Variants in METTL15 observed in about 807,000 individuals in gnomAD.
METTL15 encodes methyltransferase 15, mitochondrial 12S rRNA N4-cytidine, also known as 12S rRNA N(4)-cytidine methyltransferase METTL15.
In METTL15, 34 loss-of-function variants were observed where a neutral mutation model predicts 38.3. That is an observed-to-expected ratio of 0.89 (90% confidence interval 0.68 to 1.18). METTL15 has a LOEUF of 1.18. Among genes scored for constraint, METTL15 ranks in the 50% most tolerant of loss-of-function variants. The pLI is 0.00. For missense variants in METTL15, 438 were observed against 498.4 expected (o/e 0.88, Z 1.15); for synonymous variants, 162 against 170.9 (o/e 0.95, Z 0.41).
At chr11:28,178,559 C>G (rs906182698) in intron 3 of METTL15, among the ~76,000 whole-genome samples, 1 of 151,802 alleles carries the variant, frequency 6.6e-6, no homozygotes, top group Non-Finnish European at 1.5e-5. Context: ...ATTACTCTTT[C>G]CCTACAAGGC....
intron 4 of METTL15, among the ~76,000 whole-genome samples, chr11:28,243,528 G>A (rs1269335789): frequency 5.9e-5 from 9 of 152,122 alleles, no homozygotes; most frequent in Admixed American, 5.9e-4. Flanking sequence ...ACTTTTTTGA[G>A]AGGAAAACTG....
chr11:28,426,997 G>T (rs1340117389), intron 6 of METTL15, among the ~76,000 whole-genome samples: 2 of 152,126 alleles, frequency 1.3e-5, no homozygotes, highest in East Asian at 3.8e-4. Context: ...TTTTCGTCAT[G>T]AAGTCTTTGC....
At chr11:28,157,320 T>G (rs1850297173) in intron 3 of METTL15, among the ~76,000 whole-genome samples, 1 of 152,158 alleles carries the variant, frequency 6.6e-6, no homozygotes, top group Non-Finnish European at 1.5e-5. Flanking sequence ...CAACAGAAGG[T>G]TCTGCAACAG....
Position 28,298,193 on chromosome 11 carries a change from G to C in METTL15, c.778+1262G>C, listed in dbSNP as rs751202830. The stretch of plus-strand genomic sequence containing the variant: ...TGTATACCAGCATGCCGACATTAAA[G>C]TCATCCCCTGTCTGGTGTTCCTTTA... On this transcript the variant is annotated intron_variant, in intron 6 of 6. Coordinates refer to ENST00000407364, the MANE Select transcript of METTL15 (RefSeq NM_001113528.2). Among the ~76,000 whole-genome samples the C allele has an allele frequency of 2.6e-5, 4 of 152,108 alleles. No individual in the cohort carries two copies. In the South Asian group the frequency reaches 6.2e-4, roughly 24 times the overall value.
chr11:28,157,882 A>G (rs1850317802), intron 3 of METTL15, among the ~76,000 whole-genome samples: 1 of 152,152 alleles, frequency 6.6e-6, no homozygotes, highest in African/African-American at 2.4e-5. Context: ...GTTCACAGAT[A>G]GTTCTGCACA....
chr11:28,278,408 C>T (rs538713160), intron 4 of METTL15, among the ~76,000 whole-genome samples: 26 of 152,268 alleles, frequency 1.7e-4, no homozygotes, highest in African/African-American at 5.5e-4. Context: ...ATTTTCTAAT[C>T]TGTTTTATAA....
intron 5 of METTL15, among the ~76,000 whole-genome samples, chr11:28,365,239 T>C (rs1424954207): frequency 6.6e-6 from 1 of 152,180 alleles, no homozygotes. Context: ...TTTGGAATAG[T>C]TTCAGTAGCA....
At chr11:28,472,367 C>T (rs939765292) in intron 6 of METTL15, among the ~76,000 whole-genome samples, 1 of 152,118 alleles carries the variant, frequency 6.6e-6, no homozygotes, top group Non-Finnish European at 1.5e-5. Flanking sequence ...CAACATGAAT[C>T]CCTATCTTTT....
At chr11:28,229,571 C>T (rs765942741) in intron 4 of METTL15, among the ~76,000 whole-genome samples, 3 of 152,062 alleles carry the variant, frequency 2.0e-5, no homozygotes, top group Admixed American at 1.3e-4. Context: ...AATTAATGCT[C>T]TTATAAAAGA....
intron 6 of METTL15, among the ~76,000 whole-genome samples, chr11:28,465,757 A>G (rs369545324): frequency 7.2e-5 from 11 of 152,096 alleles, no homozygotes; most frequent in African/African-American, 2.7e-4. Flanking sequence ...TCCTATTGAC[A>G]TTTTGGGCTA....
rs1851022529 is a variant in METTL15, at chr11:28,440,221, G to A, written c.*424+15857G>A. Among the ~76,000 whole-genome samples, 3 of 152,028 alleles carry A rather than the reference G, an allele frequency of 2.0e-5. No individual in the cohort carries two copies. The South Asian group carries it at 6.2e-4, about 32-fold the overall frequency. On this transcript the variant is annotated intron_variant and NMD_transcript_variant, in intron 6 of 7. Transcript: ENST00000532947. ...AGTTATTCGTGTTACTAGATATAGA[G>A]GGAACTAAGACCTAGAGGAGAAATG...
chr11:28,144,325 C>T (rs1005286137), intron 3 of METTL15, among the ~76,000 whole-genome samples: 6 of 152,086 alleles, frequency 3.9e-5, no homozygotes, highest in Non-Finnish European at 7.4e-5. Flanking sequence ...CTCTCTGTCA[C>T]CTAATACCTA....
In METTL15 at chr11:28,470,731, C is replaced by T. The variant is rs544101457; in HGVS notation, c.*424+46367C>T. On this transcript the variant is annotated intron_variant and NMD_transcript_variant, in intron 6 of 7. Transcript: ENST00000532947. ...AGCTAATGTAAGCACTCCCGTTTAA[C>T]TCCAGCACAATTAACATGTTCAGCT... Among the ~76,000 whole-genome samples, 4 of 152,236 alleles carry T rather than the reference C, an allele frequency of 2.6e-5. No individual in the cohort carries two copies. In the South Asian group the frequency reaches 8.3e-4, roughly 32 times the overall value.
intron 4 of METTL15, among the ~76,000 whole-genome samples, chr11:28,240,926 T>A (rs1173262623): frequency 6.6e-6 from 1 of 152,164 alleles, no homozygotes. Flanking sequence ...AGTGACTTAT[T>A]TAAGAAGATT....
intron 4 of METTL15, among the ~76,000 whole-genome samples, chr11:28,281,039 C>T (rs981302777): frequency 1.3e-5 from 2 of 151,928 alleles, no homozygotes; most frequent in African/African-American, 4.8e-5. Context: ...TTGTGTCTGT[C>T]TAGTAATTTT....
At chr11:28,517,268 A>T (rs1224561242) in intron 6 of METTL15, 6 of 152,218 alleles carry the variant, frequency 3.9e-5, no homozygotes, top group Non-Finnish European at 8.8e-5. Flanking sequence ...AGCTAAGGAG[A>T]GGGAATCACT....
chr11:28,213,096 C>A (rs1174880171), intron 4 of METTL15, among the ~76,000 whole-genome samples: 1 of 152,122 alleles, frequency 6.6e-6, no homozygotes, highest in Non-Finnish European at 1.5e-5. Flanking sequence ...ACATGTATTC[C>A]AATCTCTAGC....
chr11:28,419,891 A>G (rs927193521), intron 5 of METTL15, among the ~76,000 whole-genome samples: 13 of 152,218 alleles, frequency 8.5e-5, no homozygotes, highest in African/African-American at 2.2e-4. Flanking sequence ...GAATGTATCA[A>G]AGTCTCCTAA....
At chr11:28,301,647 A>G (rs939026487) in intron 6 of METTL15, among the ~76,000 whole-genome samples, 4 of 152,166 alleles carry the variant, frequency 2.6e-5, no homozygotes, top group Non-Finnish European at 1.5e-5. Context: ...TATCTTCATT[A>G]CATGTTGAAA....
Sources: allele counts gnomAD v4.1 joint callset (sites outside exome capture counted in the v4.1 genomes callset), GRCh38; gene constraint gnomAD v4.1.1; transcripts MANE v1.5; gene names NCBI Gene and HGNC (gene_info 2026-07-23, HGNC 2026-07-21).